Variants in DGKB observed in about 807,000 individuals in gnomAD.
DGKB encodes 90 kDa diacylglycerol kinase.
Under a neutral mutation model 114.3 loss-of-function variants are expected in DGKB, and 67 were observed. The ratio of observed to expected loss-of-function variants is 0.59; its 90% CI spans 0.48 to 0.72. The LOEUF is 0.72. Among genes scored for constraint, DGKB ranks in the 30% least tolerant of loss-of-function variants. DGKB has a pLI of 0.00. For synonymous variants in DGKB, 398 were observed against 323.1 expected (o/e 1.23, Z -2.49); for missense variants, 907 against 975.2 (o/e 0.93, Z 0.93).
chr7:14,571,038 C>CA (rs370492384), intron 20 of DGKB, among the ~76,000 whole-genome samples: 6 of 152,164 alleles, frequency 3.9e-5, no homozygotes, highest in African/African-American at 1.2e-4. Context: ...TACTAGTTAG[C>CA]AAAAAAACCC....
chr7:14,694,839 G>A (rs1823531164), intron 8 of DGKB, among the ~76,000 whole-genome samples: 2 of 152,076 alleles, frequency 1.3e-5, no homozygotes, highest in African/African-American at 4.8e-5. Flanking sequence ...AAGCAGACGA[G>A]CCCCTGGCAT....
In DGKB at chr7:14,584,054, C is replaced by T. The variant is rs113626965; in HGVS notation, c.1434-917G>A. On this transcript the variant is annotated intron_variant, in intron 17 of 25. Coordinates refer to ENST00000402815, the MANE Select transcript of DGKB (RefSeq NM_001350709.2). ...CTTTATTACACACATATTTTCAACACGAATAAAACTGTGCTATACATACTG... is the reference window on the plus strand; with the variant it reads ...CTTTATTACACACATATTTTCAACATGAATAAAACTGTGCTATACATACTG... 1.2e-3 allele frequency among the ~76,000 whole-genome samples: 184 copies of T among 152,216 alleles called. 1 individual carries two copies. Among genetic ancestry groups the T allele is most frequent in the Non-Finnish European group, 2.1e-3 (140 of 68,026 alleles).
intron 23 of DGKB, among the ~76,000 whole-genome samples, chr7:14,222,727 ATTAT>A: frequency 6.6e-6 from 1 of 151,498 alleles, no homozygotes; most frequent in African/African-American, 2.4e-5. Flanking sequence ...TTTCTACCTA[ATTAT>A]TCTACCACTT....
chr7:14,630,646 T>G (rs1280991248), intron 13 of DGKB, among the ~76,000 whole-genome samples: 3 of 152,082 alleles, frequency 2.0e-5, no homozygotes, highest in Non-Finnish European at 4.4e-5. Flanking sequence ...CCAACTCTCA[T>G]TCTTTCCTAA....
At chr7:14,784,725 G>C (rs186894589) in intron 2 of DGKB, among the ~76,000 whole-genome samples, 1 of 151,780 alleles carries the variant, frequency 6.6e-6, no homozygotes, top group East Asian at 1.9e-4. Flanking sequence ...TTTAGTCATT[G>C]TTAGAAATTA....
At chr7:14,607,859 T>A (rs1299715074) in intron 16 of DGKB, among the ~76,000 whole-genome samples, 2 of 151,908 alleles carry the variant, frequency 1.3e-5, no homozygotes, top group East Asian at 3.9e-4. Flanking sequence ...AATATTTCAG[T>A]ATAAAATTGC....
intron 23 of DGKB, among the ~76,000 whole-genome samples, chr7:14,320,403 G>T (rs1485447562): frequency 6.6e-6 from 1 of 151,882 alleles, no homozygotes; most frequent in Non-Finnish European, 1.5e-5. Flanking sequence ...CTTGTTCTCA[G>T]TTGACATATA....
intron 23 of DGKB, among the ~76,000 whole-genome samples, chr7:14,268,211 C>CCACACA (rs10699466): frequency 5.3e-5 from 8 of 150,192 alleles, no homozygotes; most frequent in Non-Finnish European, 1.0e-4. Flanking sequence ...AGTCACTGTA[C>CCACACA]CACACACACA....
chr7:14,932,031 G>C (rs1785046483), intron 1 of DGKB, among the ~76,000 whole-genome samples: 1 of 152,164 alleles, frequency 6.6e-6, no homozygotes, highest in Admixed American at 6.5e-5. Context: ...ACTGCCAAGA[G>C]TTAGGATTGA....
intron 23 of DGKB, among the ~76,000 whole-genome samples, chr7:14,184,756 C>T (rs553998309): frequency 6.6e-6 from 1 of 152,114 alleles, no homozygotes; most frequent in Non-Finnish European, 1.5e-5. Context: ...CGCCCACTGC[C>T]AGTTCCTCTC....
At chr7:14,695,492 C>CTGTTTT (rs1452686512) in intron 8 of DGKB, among the ~76,000 whole-genome samples, 4 of 73,362 alleles carry the variant, frequency 5.5e-5, no homozygotes, top group Non-Finnish European at 7.7e-5. Context: ...CTCTCTCTCT[C>CTGTTTT]TCTTTTTTTT....
At chr7:14,280,235 C>T (rs1231210008) in intron 23 of DGKB, among the ~76,000 whole-genome samples, 5 of 151,766 alleles carry the variant, frequency 3.3e-5, no homozygotes, top group Admixed American at 6.6e-5. Context: ...GGAGCTGATG[C>T]GATCAACTGG....
intron 23 of DGKB, chr7:14,208,991 A>G (rs529176192): frequency 2.7e-4 from 42 of 154,398 alleles, no homozygotes; most frequent in African/African-American, 9.7e-4. Flanking sequence ...TATATATTCT[A>G]TACAATGACT....
intron 13 of DGKB, among the ~76,000 whole-genome samples, chr7:14,667,734 A>AT (rs1175880647): frequency 6.6e-6 from 1 of 152,130 alleles, no homozygotes; most frequent in African/African-American, 2.4e-5. Context: ...TGATTAAGCA[A>AT]TTTTGTGGGC....
chr7:14,177,887 C>T, intron 24 of DGKB, 144 bp downstream of exon 24: 2 of 829,928 alleles, frequency 2.4e-6, no homozygotes, highest in Non-Finnish European at 3.4e-6. Context: ...TGCCAATGTC[C>T]ATTATTTTGA....
chr7:14,379,702 G>A (rs1430532732), intron 21 of DGKB, among the ~76,000 whole-genome samples: 1 of 152,110 alleles, frequency 6.6e-6, no homozygotes, highest in African/African-American at 2.4e-5. Flanking sequence ...TGGGATTACA[G>A]GCACGTGCCA....
At chr7:14,942,289 C>A (rs1206062136) in intron 1 of DGKB, among the ~76,000 whole-genome samples, 1 of 151,584 alleles carries the variant, frequency 6.6e-6, no homozygotes, top group Non-Finnish European at 1.5e-5. Flanking sequence ...AAAAGAGGGG[C>A]GAGAAAGGCA....
intron 2 of DGKB, among the ~76,000 whole-genome samples, chr7:14,766,180 A>T (rs1365574137): frequency 1.3e-5 from 2 of 152,020 alleles, no homozygotes; most frequent in Non-Finnish European, 2.9e-5. Context: ...GTTTAGAACA[A>T]GTACTGTTCC....
intron 20 of DGKB, among the ~76,000 whole-genome samples, chr7:14,562,959 C>G (rs1201306980): frequency 6.6e-6 from 1 of 152,096 alleles, no homozygotes; most frequent in East Asian, 1.9e-4. Context: ...CCACCCAAAT[C>G]TCACCTTAAA....
Sources: gnomAD v4.1 joint callset for allele counts (sites outside exome capture counted in the v4.1 genomes callset) on GRCh38, gnomAD v4.1.1 for gene constraint, MANE v1.5 for transcripts, NCBI Gene and HGNC (gene_info 2026-07-23, HGNC 2026-07-21) for gene names.